EML6: variants seen among roughly 807,000 people sequenced by gnomAD.
EML6 encodes EMAP like 6.
A neutral mutation model predicts 240.1 loss-of-function variants in EML6; 154 were observed. The observed-to-expected ratio is 0.64, with a 90% CI of 0.56 to 0.73. The LOEUF (loss-of-function observed/expected upper bound fraction) is 0.73. EML6 is among the 30% of genes least tolerant of loss of function. The pLI is 0.00. For synonymous variants in EML6, 1,148 were observed against 899.0 expected (o/e 1.28, Z -4.95); for missense variants, 2,964 against 2,474.6 (o/e 1.20, Z -4.20).
chr2:54,847,514 A>C lies in EML6; in HGVS notation c.1078A>C (p.Ile360Leu), dbSNP rs1004892087. Residue 360 changes from isoleucine (I) to leucine (L), a missense_variant, in exon 9 of 42, where the codon ATC (isoleucine) becomes CTC (leucine). By Grantham distance (5) the Ile-to-Leu change is conservative. Coordinates refer to ENST00000356458, the MANE Select transcript of EML6 (RefSeq NM_001039753.4). ...GTGGAGCCTGGCTGATCATGCCTTG[A>C]TCGCCCGCTGTAACATGGAAGAGGC... ...RLWSLADHAL[I>L]ARCNMEEAVR... 6.4e-7 allele frequency: 1 copy of C among 1,551,798 alleles called. No individual in the cohort carries two copies. Among genetic ancestry groups the C allele is most frequent in the Admixed American group, 2.0e-5 (1 of 50,988 alleles).
chr2:54,889,928 A>G (rs1399646156), intron 17 of EML6, among the ~76,000 whole-genome samples: 1 of 152,262 alleles, frequency 6.6e-6, no homozygotes, highest in East Asian at 1.9e-4. Flanking sequence ...AAGAAAAGAT[A>G]ATGACACATA....
intron 2 of EML6, among the ~76,000 whole-genome samples, chr2:54,768,108 C>G (rs1668262000): frequency 6.6e-6 from 1 of 152,076 alleles, no homozygotes; most frequent in Non-Finnish European, 1.5e-5. Context: ...CCAAGGCTAC[C>G]TCCTCATTGG....
At chr2:54,843,964 T>TTTTG (rs1553394555) in intron 7 of EML6, 83 bp from the exon 8 acceptor site, 10 of 658,628 alleles carry the variant, frequency 1.5e-5, no homozygotes, top group Admixed American at 4.5e-5. Flanking sequence ...CTTTAGGGTT[T>TTTTG]TGTGTGTGTG....
intron 2 of EML6, among the ~76,000 whole-genome samples, chr2:54,750,220 A>G (rs772875018): frequency 6.6e-6 from 1 of 152,210 alleles, no homozygotes. Context: ...CTCAGGTGAC[A>G]TGCAGATTGA....
chr2:54,832,884 A>G (rs1668952504), intron 7 of EML6, among the ~76,000 whole-genome samples: 1 of 152,162 alleles, frequency 6.6e-6, no homozygotes, highest in Non-Finnish European at 1.5e-5. Flanking sequence ...CTCAGTTTGG[A>G]CATGAAGCTT....
chr2:54,944,648 C>G (rs753421770), intron 28 of EML6, among the ~76,000 whole-genome samples: 11 of 152,094 alleles, frequency 7.2e-5, no homozygotes, highest in Admixed American at 1.3e-4. Context: ...AAAACAACAA[C>G]AAAAAGACAC....
At chr2:54,855,363 C>G (rs1285467850) in intron 11 of EML6, among the ~76,000 whole-genome samples, 1 of 151,986 alleles carries the variant, frequency 6.6e-6, no homozygotes, top group Non-Finnish European at 1.5e-5. Context: ...AAGCAGATCT[C>G]ATGAAAATTT....
chr2:54,892,400 C>G, intron 18 of EML6, 54 bp from the exon 19 acceptor site: 1 of 1,234,734 alleles, frequency 8.1e-7, no homozygotes, highest in Non-Finnish European at 1.2e-6. Flanking sequence ...CTTCTACATG[C>G]TTATAGGAAG....
rs570328209 is a variant in EML6, at chr2:54,892,296, T to G, written c.2540-158T>G. On this transcript the variant is annotated intron_variant, in intron 18 of 41. Transcript: ENST00000356458. ...GTTAATGAATAAATGAGAAATATTC[T>G]TAGAATATTTTTGTTCATGATGTTC... Among the ~76,000 whole-genome samples, 156 of 152,336 alleles carry G rather than the reference T, an allele frequency of 1.0e-3. 6 individuals carry two copies. In the South Asian group the frequency reaches 0.031, roughly 30 times the overall value.
intron 12 of EML6, among the ~76,000 whole-genome samples, chr2:54,862,338 T>TTAAAAA (rs1491264747): frequency 5.3e-5 from 2 of 37,698 alleles, no homozygotes; most frequent in Non-Finnish European, 9.4e-5. Flanking sequence ...ACTCCATCTC[T>TTAAAAA]AAAAAAAAAA....
At chr2:54,744,358 A>G (rs1683800036) in intron 2 of EML6, among the ~76,000 whole-genome samples, 1 of 151,914 alleles carries the variant, frequency 6.6e-6, no homozygotes. Context: ...TGGCAAAGTG[A>G]CCCCGAGGGA....
At chr2:54,798,406 C>T (rs1669935757) in intron 2 of EML6, among the ~76,000 whole-genome samples, 1 of 152,132 alleles carries the variant, frequency 6.6e-6, no homozygotes, top group African/African-American at 2.4e-5. Flanking sequence ...AACTCCTGAC[C>T]TTGTGATCTG....
chr2:54,922,593 A>T (rs767330074), intron 26 of EML6, among the ~76,000 whole-genome samples: 4 of 152,262 alleles, frequency 2.6e-5, no homozygotes, highest in Non-Finnish European at 5.9e-5. Context: ...CTACACCACC[A>T]TGTTCATTAC....
At chr2:54,729,479 C>T (rs529336038) in intron 2 of EML6, among the ~76,000 whole-genome samples, 3 of 152,308 alleles carry the variant, frequency 2.0e-5, no homozygotes, top group East Asian at 1.9e-4. Flanking sequence ...ATGTGTATAT[C>T]GATTGATCTG....
rs1280903976 is a variant in EML6 at position 54,971,354 on chromosome 2, C to G, written c.*1259C>G. The G allele has an allele frequency of 6.6e-6, 1 of 152,200 alleles. No individual in the cohort carries two copies. Among genetic ancestry groups the G allele is most frequent in the Non-Finnish European group, 1.5e-5 (1 of 68,046 alleles). The allele number at this position is 152,200 out of a possible 1,614,324, so 9.4% of individuals were successfully genotyped here. On this transcript the variant is annotated 3_prime_UTR_variant, in exon 42 of 42. Coordinates refer to ENST00000356458, the MANE Select transcript of EML6 (RefSeq NM_001039753.4). The stretch of plus-strand genomic sequence containing the variant: ...GCTGACCAGTGACTACAGGATGTGG[C>G]TGACAGTGCTCACTGAAAGGAGAGT...
chr2:54,888,813 G>C (rs1672298473), intron 17 of EML6, among the ~76,000 whole-genome samples: 1 of 152,192 alleles, frequency 6.6e-6, no homozygotes, highest in Non-Finnish European at 1.5e-5. Context: ...TTATGAAGCT[G>C]CTATAAATAT....
At chr2:54,905,035 G>C (rs1476586514) in intron 24 of EML6, among the ~76,000 whole-genome samples, 2 of 152,082 alleles carry the variant, frequency 1.3e-5, no homozygotes, top group Non-Finnish European at 2.9e-5. Context: ...TTTATAAAAG[G>C]TACAAGTCCC....
chr2:54,829,536 G>C (rs1481544035), intron 7 of EML6, 59 bp downstream of exon 7: 11 of 1,377,640 alleles, frequency 8.0e-6, no homozygotes, highest in South Asian at 5.3e-5. Context: ...GTGAAGTTCT[G>C]TATTCATATT....
At chr2:54,891,603 A>T (rs1286679398) in intron 18 of EML6, among the ~76,000 whole-genome samples, 1 of 152,200 alleles carries the variant, frequency 6.6e-6, no homozygotes, top group Non-Finnish European at 1.5e-5. Flanking sequence ...TAATGTTGAT[A>T]ATAATGATGA....
Sources: gnomAD v4.1 joint callset for allele counts (sites outside exome capture counted in the v4.1 genomes callset) on GRCh38, gnomAD v4.1.1 for gene constraint, MANE v1.5 for transcripts, NCBI Gene and HGNC (gene_info 2026-07-23, HGNC 2026-07-21) for gene names.